ARID3A: variants seen among roughly 807,000 people sequenced by gnomAD.
The protein encoded by ARID3A is AT-rich interactive domain-containing protein 3A.
ARID3A carries 11 observed loss-of-function variants against 52.7 expected under a neutral mutation model. That is an observed-to-expected ratio of 0.21 (90% CI 0.13 to 0.35). The LOEUF (loss-of-function observed/expected upper bound fraction) is 0.35. Ranked by LOEUF, ARID3A falls within the 10% of genes least tolerant of loss-of-function variation. ARID3A has a pLI of 1.00. For synonymous variants in ARID3A, 404 were observed against 359.4 expected (o/e 1.12, Z -1.40); for missense variants, 721 against 838.5 (o/e 0.86, Z 1.73).
Position 941,622 on chromosome 19 carries a change from T to C in ARID3A, c.693+8880T>C, listed in dbSNP as rs1237267808. Among the ~76,000 whole-genome samples the C allele has an allele frequency of 6.6e-6, 1 of 152,160 alleles. No individual in the cohort carries two copies. Among genetic ancestry groups the C allele is most frequent in the Non-Finnish European group, 1.5e-5 (1 of 68,024 alleles). ...GTGATGATCTCCTGTGTGTGCATTT[T>C]TTTAACTATAAAGATGGGGTCTTGC... On this transcript the variant is annotated intron_variant, in intron 3 of 8. Transcript: ENST00000263620. This position sits in a 1 kb window ranked among gnomAD's most constrained non-coding sequence, Gnocchi z 6.9.
chr19:958,404 G>A (rs1454430960), intron 3 of ARID3A, among the ~76,000 whole-genome samples: 8 of 147,184 alleles, frequency 5.4e-5, no homozygotes, highest in Admixed American at 4.1e-4. Context: ...CTCCAGCCTG[G>A]GCGACAGAGC....
intron 3 of ARID3A, 35 bp downstream of exon 3, chr19:932,777 C>T (rs1411559010): frequency 3.3e-5 from 51 of 1,545,472 alleles, no homozygotes; most frequent in Non-Finnish European, 3.8e-5. Context: ...GGCTGAGGCA[C>T]CTGCTCCTGG....
chr19:966,550 A>G, intron 6 of ARID3A, 22 bp from the exon 7 acceptor site: 1 of 1,509,522 alleles, frequency 6.6e-7, no homozygotes, highest in Non-Finnish European at 8.9e-7. Context: ...CTGGCCACCA[A>G]TTCCCCTTTT....
chr19:936,550 TA>T (rs1378564828), intron 3 of ARID3A, among the ~76,000 whole-genome samples: 1 of 150,978 alleles, frequency 6.6e-6, no homozygotes, highest in Non-Finnish European at 1.5e-5. Flanking sequence ...CTCGAAAAAA[TA>T]AGAAGGATAG....
At position 942,515 on chromosome 19, in the gene ARID3A, G is replaced by C. The variant is rs1568361285; in HGVS notation, c.693+9773G>C. On this transcript the variant is annotated intron_variant, in intron 3 of 8. Coordinates refer to ENST00000263620, the MANE Select transcript of ARID3A (RefSeq NM_005224.3). The surrounding 1 kb of genome is among the most constrained non-coding windows in gnomAD (Gnocchi z 8.1). ...GGCTGCACATGGCCAGAGGACAATT[G>C]GGGGTCACAGGGTTAAACGCTGACT... Among the ~76,000 whole-genome samples the C allele has an allele frequency of 6.6e-6, 1 of 152,226 alleles. No homozygotes were observed. Among genetic ancestry groups the C allele is most frequent in the Non-Finnish European group, 1.5e-5 (1 of 68,036 alleles).
intron 8 of ARID3A, among the ~76,000 whole-genome samples, chr19:970,708 C>G (rs1472336372): frequency 6.6e-6 from 1 of 151,726 alleles, no homozygotes; most frequent in African/African-American, 2.4e-5. Context: ...CTCCTGACTT[C>G]GTGATCTGCT....
chr19:927,976 ACT>A (rs1475091393), intron 1 of ARID3A, among the ~76,000 whole-genome samples: 9 of 151,562 alleles, frequency 5.9e-5, no homozygotes, highest in Non-Finnish European at 1.3e-4. Context: ...GGGCCACAGG[ACT>A]CTCTTGTCCG....
Position 929,645 on chromosome 19 carries a change from C to T in ARID3A, c.117C>T (p.Ala39=). 5 of 1,533,750 alleles carry T rather than the reference C, an allele frequency of 3.3e-6. No homozygotes were observed. Among genetic ancestry groups the T allele is most frequent in the Non-Finnish European group, 4.4e-6 (5 of 1,146,860 alleles). ...PDPPAAPPGR[A]RAAPDEDREP... is the part of the protein sequence containing the mutation. ...CCCCTGCTGCACCCCCCGGCCGGGCCCGGGCTGCCCCCGACGAGGACAGAG... is the reference window on the plus strand; with the variant it reads ...CCCCTGCTGCACCCCCCGGCCGGGCTCGGGCTGCCCCCGACGAGGACAGAG... Residue 39 remains alanine, a synonymous_variant, in exon 2 of 9, where the codon GCC becomes GCT. Transcript: ENST00000263620. This position sits in a 1 kb window ranked among gnomAD's most constrained non-coding sequence, Gnocchi z 6.2.
chr19:961,703 GAGGTC>G (rs1203019830), intron 4 of ARID3A: 1 of 152,290 alleles, frequency 6.6e-6, no homozygotes, highest in African/African-American at 2.4e-5. Flanking sequence ...TGGATCACTT[GAGGTC>G]AGGAGTTCAA....
intron 3 of ARID3A, among the ~76,000 whole-genome samples, chr19:939,205 G>A (rs1055585440): frequency 2.0e-5 from 3 of 151,826 alleles, no homozygotes; most frequent in Non-Finnish European, 2.9e-5. Context: ...TGCAACCTCC[G>A]CCTCTCGGGT....
intron 3 of ARID3A, among the ~76,000 whole-genome samples, chr19:933,685 G>A (rs1219807194): frequency 1.3e-5 from 2 of 152,132 alleles, no homozygotes; most frequent in Non-Finnish European, 2.9e-5. Context: ...GGCCTCCCCG[G>A]GGCTCCTGAC....
At position 965,074 on chromosome 19, in the gene ARID3A, A is replaced by G; in HGVS notation, c.1192A>G (p.Lys398Glu). 6.2e-7 allele frequency: 1 copy of G among 1,608,984 alleles called. No homozygotes were observed. Among genetic ancestry groups the G allele is most frequent in the South Asian group, 1.1e-5 (1 of 90,682 alleles). ...GSSITPAPKI[K>E]KEEDSAIPIT... ...CTCCATCACCCCCGCCCCTAAGATC[A>G]AGAAAGGTAAGGGCCTGTATGGGGC... The change falls in exon 6 of 9, where the codon AAG becomes GAG. Residue 398 changes from lysine to glutamate, a missense_variant. Physicochemically the swap from Lys to Glu is moderately conservative, Grantham distance 56. This residue lies in a region of ARID3A where 297 missense variants were observed against 343.2 expected (regional missense o/e 0.87). Transcript: ENST00000263620.
At chr19:946,070 G>T (rs989837763) in intron 3 of ARID3A, among the ~76,000 whole-genome samples, 18 of 152,136 alleles carry the variant, frequency 1.2e-4, no homozygotes, top group Non-Finnish European at 2.1e-4. Flanking sequence ...GGAGGCAGGG[G>T]CCCGGCGTCC....
chr19:942,050 G>A lies in ARID3A; in HGVS notation c.693+9308G>A, dbSNP rs117058565. On this transcript the variant is annotated intron_variant, in intron 3 of 8. Coordinates refer to ENST00000263620, the MANE Select transcript of ARID3A (RefSeq NM_005224.3). This position sits in a 1 kb window ranked among gnomAD's most constrained non-coding sequence, Gnocchi z 8.1. Reference sequence around the variant, plus strand: ...GGCGCTGTCTGTCTTGGTCAGCAGCGCGCGTCGGCCGCGGGGCACAGATCA... The same window carrying A: ...GGCGCTGTCTGTCTTGGTCAGCAGCACGCGTCGGCCGCGGGGCACAGATCA... Among the ~76,000 whole-genome samples, 5,040 of 152,250 alleles carry A rather than the reference G, an allele frequency of 0.033. 128 individuals carry two copies. The highest frequency in any genetic ancestry group is 0.088 in the East Asian group (456 of 5,170).
At chr19:962,650 G>A (rs1204799715) in intron 4 of ARID3A, among the ~76,000 whole-genome samples, 4 of 151,702 alleles carry the variant, frequency 2.6e-5, no homozygotes, top group Admixed American at 1.3e-4. Context: ...GAGTAGCTGG[G>A]ATTACAGGCG....
Position 964,750 on chromosome 19 carries a change from A to G in ARID3A, c.951-83A>G. The G allele has an allele frequency of 6.6e-7, 1 of 1,525,046 alleles. No individual in the cohort carries two copies. Among genetic ancestry groups the G allele is most frequent in the Non-Finnish European group, 8.8e-7 (1 of 1,132,122 alleles). 94.5% of individuals were successfully genotyped at this position (1,525,046 alleles called of 1,614,324 possible). A position where few individuals can be genotyped will look rare whatever the true frequency, so the allele number is the denominator to read the frequency against. ...GAAGAACCAGGGATGGTGGTGCCACAGTGGGGTTTACTTTGTACTGAAGGC... is the reference window on the plus strand; with the variant it reads ...GAAGAACCAGGGATGGTGGTGCCACGGTGGGGTTTACTTTGTACTGAAGGC... On this transcript the variant is annotated intron_variant, in intron 5 of 8. Coordinates refer to ENST00000263620, the MANE Select transcript of ARID3A (RefSeq NM_005224.3). This position sits in a 1 kb window ranked among gnomAD's most constrained non-coding sequence, Gnocchi z 5.7.
At chr19:962,882 G>A (rs2038073526) in intron 4 of ARID3A, among the ~76,000 whole-genome samples, 1 of 152,194 alleles carries the variant, frequency 6.6e-6, no homozygotes, top group Admixed American at 6.5e-5. Flanking sequence ...GCCGGGCGGA[G>A]GCTCTGGGCA....
intron 3 of ARID3A, among the ~76,000 whole-genome samples, chr19:952,311 G>A (rs760678598): frequency 6.6e-6 from 1 of 151,622 alleles, no homozygotes; most frequent in Non-Finnish European, 1.5e-5. Context: ...GCATGGTGGT[G>A]TGTGCCTGGG....
rs2038300832 is a variant in ARID3A, at chr19:972,517, G to T, written c.*452G>T. ...TGTGTTTTCATTTTTGTCTGCTTTA[G>T]TTCTCTTTTATTTTCTATTCACCAC... On this transcript the variant is annotated 3_prime_UTR_variant, in exon 9 of 9. Coordinates refer to ENST00000263620, the MANE Select transcript of ARID3A (RefSeq NM_005224.3). The T allele has an allele frequency of 4.6e-6, 1 of 216,790 alleles. No individual in the cohort carries two copies. The highest frequency in any genetic ancestry group is 9.3e-6 in the Non-Finnish European group (1 of 107,680). 13.4% of individuals were successfully genotyped at this position (216,790 alleles called of 1,614,324 possible).
Sources: gnomAD v4.1 joint callset for allele counts (sites outside exome capture counted in the v4.1 genomes callset) on GRCh38, gnomAD v4.1.1 for gene constraint, gnomAD v4.1.1 regional missense constraint, Gnocchi (gnomAD v3.1) non-coding constraint, MANE v1.5 for transcripts, NCBI Gene and HGNC (gene_info 2026-07-23, HGNC 2026-07-21) for gene names.